The following FSTL4 variants were observed in gnomAD, a reference collection of about 807,000 sequenced individuals.
FSTL4 encodes follistatin like 4.
FSTL4 carries 28 observed loss-of-function variants against 78.2 expected under a neutral mutation model. That is an observed-to-expected ratio of 0.36 (90% CI 0.27 to 0.49). The LOEUF is 0.49. FSTL4 is among the 20% of genes least tolerant of loss of function. The pLI is 0.98. For synonymous variants in FSTL4, 422 were observed against 440.5 expected, an observed-to-expected ratio of 0.96 and a Z score of 0.53; for missense variants, 922 against 1,084.9, an observed-to-expected ratio of 0.85 and a Z score of 2.11.
intron 4 of FSTL4, among the ~76,000 whole-genome samples, chr5:133,397,084 G>A (rs1264979413): frequency 6.6e-6 from 1 of 152,216 alleles, no homozygotes; most frequent in African/African-American, 2.4e-5. Flanking sequence ...CGCTGGCTTG[G>A]TGAGTGATTG....
intron 14 of FSTL4, among the ~76,000 whole-genome samples, chr5:133,207,262 G>A (rs909223804): frequency 2.0e-5 from 3 of 152,018 alleles, no homozygotes; most frequent in Admixed American, 6.6e-5. Context: ...TATTCGTTAC[G>A]TTGTTTGTTT....
At chr5:133,609,792 C>T (rs1761052704) in intron 1 of FSTL4, among the ~76,000 whole-genome samples, 2 of 152,232 alleles carry the variant, frequency 1.3e-5, no homozygotes, top group African/African-American at 2.4e-5. Flanking sequence ...AACCTTTATC[C>T]TTACAACCTT....
the FSTL4 span, among the ~76,000 whole-genome samples, chr5:133,637,082 T>A: frequency 2.0e-5 from 3 of 152,128 alleles, no homozygotes; most frequent in Non-Finnish European, 4.4e-5. Flanking sequence ...GCAGGAGAGT[T>A]TGGAGTTTAT....
intron 3 of FSTL4, chr5:133,457,787 C>T (rs553368852): frequency 1.4e-4 from 22 of 152,328 alleles, no homozygotes; most frequent in African/African-American, 5.3e-4. Flanking sequence ...GCCATTTAAT[C>T]AAGCATTCTT....
At chr5:133,354,288 C>T (rs144426535) in intron 4 of FSTL4, among the ~76,000 whole-genome samples, 277 of 152,310 alleles carry the variant, frequency 1.8e-3, no homozygotes, top group African/African-American at 6.2e-3. Context: ...CATGAGCCAG[C>T]GCCATTTGGC....
intron 3 of FSTL4, among the ~76,000 whole-genome samples, chr5:133,481,553 A>AG (rs1758029053): frequency 6.6e-6 from 1 of 151,872 alleles, no homozygotes; most frequent in Admixed American, 6.6e-5. Context: ...AAAAAAAAAA[A>AG]AAAAAAAGCT....
At chr5:133,321,698 C>T (rs985581225) in intron 4 of FSTL4, among the ~76,000 whole-genome samples, 6 of 152,224 alleles carry the variant, frequency 3.9e-5, no homozygotes, top group Admixed American at 1.3e-4. Flanking sequence ...GCCCGGATCC[C>T]ATTGCCAGGG....
chr5:133,540,139 C>T (rs1561462295), intron 3 of FSTL4, among the ~76,000 whole-genome samples: 2 of 152,058 alleles, frequency 1.3e-5, no homozygotes, highest in Admixed American at 1.3e-4. Context: ...GCAACCCTTC[C>T]CTGGGTCTCC....
At chr5:133,675,809 T>C in the FSTL4 span, among the ~76,000 whole-genome samples, 1 of 152,200 alleles carries the variant, frequency 6.6e-6, no homozygotes, top group African/African-American at 2.4e-5. Flanking sequence ...CCCGGGCAGA[T>C]CTTAGAGAAC....
At chr5:133,321,577 G>A (rs1754054005) in intron 4 of FSTL4, among the ~76,000 whole-genome samples, 1 of 152,232 alleles carries the variant, frequency 6.6e-6, no homozygotes, top group South Asian at 2.1e-4. Context: ...CGGGCGCGGT[G>A]GCTCACGCCT....
chr5:133,490,566 G>T (rs73788101), intron 3 of FSTL4, among the ~76,000 whole-genome samples: 1,894 of 152,164 alleles, frequency 0.012, 40 homozygotes, highest in African/African-American at 0.044. Context: ...CTATATACTT[G>T]AATATGTAGT....
chr5:133,558,003 C>G (rs1468177192), intron 3 of FSTL4, among the ~76,000 whole-genome samples: 5 of 152,216 alleles, frequency 3.3e-5, no homozygotes. Context: ...CAGATTCCAA[C>G]ATCAATTACA....
chr5:133,279,065 G>C (rs769971456), intron 6 of FSTL4, among the ~76,000 whole-genome samples: 58 of 152,246 alleles, frequency 3.8e-4, no homozygotes, highest in Admixed American at 7.9e-4. Context: ...CTGTGAAGCT[G>C]GGGGTTCGTG....
chr5:133,807,281 C>T, the FSTL4 span, among the ~76,000 whole-genome samples: 1 of 152,222 alleles, frequency 6.6e-6, no homozygotes, highest in East Asian at 1.9e-4. Context: ...TTTCAAAATG[C>T]AAGCATGACC....
chr5:133,459,380 T>C (rs1359356918), intron 3 of FSTL4, among the ~76,000 whole-genome samples: 1 of 152,064 alleles, frequency 6.6e-6, no homozygotes, highest in Non-Finnish European at 1.5e-5. Context: ...GTGGAATTAA[T>C]AGCATACCAA....
rs771134047 is a variant in FSTL4 at position 133,199,718 on chromosome 5, C to T, written c.1906G>A (p.Gly636Ser). ...LETMMPLKTI[G>S]LHHHGCVPQA... ...GGCACGCAGCCATGGTGGTGCAGGC[C>T]GATGGTCTTGAGGGGCATCATTGTT... Residue 636 changes from glycine (G) to serine (S), a missense_variant, in exon 16 of 16, where the codon GGC becomes AGC. Coordinates refer to ENST00000265342, the MANE Select transcript of FSTL4 (RefSeq NM_015082.2). The surrounding 1 kb of genome is among the most constrained non-coding windows in gnomAD (Gnocchi z 4.4). 3.6e-5 allele frequency: 58 copies of T among 1,611,404 alleles called. No homozygotes were observed. Among genetic ancestry groups the T allele is most frequent in the Middle Eastern group, 1.6e-4 (1 of 6,082 alleles).
At chr5:133,275,359 A>G (rs539612281) in intron 6 of FSTL4, among the ~76,000 whole-genome samples, 13 of 152,278 alleles carry the variant, frequency 8.5e-5, no homozygotes, top group Admixed American at 2.6e-4. Flanking sequence ...CAGGAGTTCG[A>G]GACCAGCCTG....
intron 3 of FSTL4, among the ~76,000 whole-genome samples, chr5:133,550,057 T>A (rs183480179): frequency 5.3e-5 from 8 of 152,312 alleles, no homozygotes; most frequent in African/African-American, 1.9e-4. Context: ...GAGTTCAAGG[T>A]CACCTGCATT....
intron 4 of FSTL4, among the ~76,000 whole-genome samples, chr5:133,360,930 G>A (rs575520064): frequency 5.3e-5 from 8 of 152,226 alleles, no homozygotes; most frequent in East Asian, 3.9e-4. Context: ...TGCATTTACC[G>A]TGTATTCCTA....
Sources: allele counts gnomAD v4.1 joint callset (sites outside exome capture counted in the v4.1 genomes callset), GRCh38; gene constraint gnomAD v4.1.1; non-coding constraint Gnocchi (gnomAD v3.1); transcripts MANE v1.5; gene names NCBI Gene and HGNC (gene_info 2026-07-23, HGNC 2026-07-21).